ERVFRD-1: variants seen among roughly 807,000 people sequenced by gnomAD.
ERVFRD-1 encodes syncytin-2.
A neutral mutation model predicts 43.8 loss-of-function variants in ERVFRD-1; 33 were observed. The observed-to-expected ratio is 0.75, with a 90% CI of 0.57 to 1.01. The LOEUF (loss-of-function observed/expected upper bound fraction) is 1.01, where lower values mean the gene tolerates loss of function less well. Among genes scored for constraint, ERVFRD-1 ranks in the 50% least tolerant of loss-of-function variants. The pLI is 0.00. For synonymous variants in ERVFRD-1, 239 were observed against 244.4 expected (o/e 0.98, Z 0.21); for missense variants, 568 against 658.4 (o/e 0.86, Z 1.50).
In ERVFRD-1 at chr6:11,103,808, T is replaced by C. The variant is rs992549844; in HGVS notation, c.1503A>G (p.Pro501=). ...VSLLLLLLFG[P]CLLNLITQFV... ...ATTGGGTTATTAGATTTAGGAGACA[T>C]GGACCAAAAAGGAGCAAAAGTAGGA... The change falls in exon 2 of 2, where the codon CCA becomes CCG. Residue 501 remains proline, a synonymous_variant. Coordinates refer to ENST00000472091, the MANE Select transcript of ERVFRD-1 (RefSeq NM_207582.3). 1 of 1,551,538 alleles carries C rather than the reference T, an allele frequency of 6.4e-7. No homozygotes were observed. The highest frequency in any genetic ancestry group is 8.7e-7 in the Non-Finnish European group (1 of 1,146,986).
intron 1 of ERVFRD-1, among the ~76,000 whole-genome samples, chr6:11,107,743 C>T (rs533760305): frequency 9.0e-4 from 137 of 152,280 alleles, no homozygotes; most frequent in Non-Finnish European, 1.5e-3. Flanking sequence ...TTCTCAGGTC[C>T]TGGACTAGCC....
chr6:11,104,499 GC>G lies in ERVFRD-1; in HGVS notation c.811del (p.Ala271GlnfsTer49). 1.3e-6 allele frequency: 2 copies of G among 1,557,058 alleles called. No homozygotes were observed. Among genetic ancestry groups the G allele is most frequent in the Non-Finnish European group, 1.7e-6 (2 of 1,149,758 alleles). On this transcript the variant is annotated frameshift_variant, in exon 2 of 2. Transcript: ENST00000472091. LOFTEE classifies it high-confidence loss of function. The part of the protein sequence containing the change: ...TIATSYLGIS[A>X]VSEFFGTSLT... ...GGAGGTTCCAAAAAATTCTGAGACT[GC>G]TGATATGCCCAGGTAGCTGGTGGCT...
chr6:11,109,719 C>G (rs577949579), intron 1 of ERVFRD-1, among the ~76,000 whole-genome samples: 5 of 152,128 alleles, frequency 3.3e-5, no homozygotes, highest in Non-Finnish European at 7.3e-5. Context: ...TTATTCAACC[C>G]AGGCTGTATT....
intron 1 of ERVFRD-1, among the ~76,000 whole-genome samples, chr6:11,106,545 G>A (rs1335551405): frequency 6.6e-6 from 1 of 152,174 alleles, no homozygotes; most frequent in Non-Finnish European, 1.5e-5. Flanking sequence ...TCCATTGGTA[G>A]GCTTTAGGTA....
chr6:11,105,350 T>C lies in ERVFRD-1; in HGVS notation c.-40A>G, dbSNP rs541442050. The C allele has an allele frequency of 1.4e-6, 2 of 1,475,358 alleles. No individual in the cohort carries two copies. The highest frequency in any genetic ancestry group is 2.8e-5 in the African/African-American group (2 of 71,802). 91.4% of individuals were successfully genotyped at this position (1,475,358 alleles called of 1,614,324 possible). A position where few individuals can be genotyped will look rare whatever the true frequency, so the allele number is the denominator to read the frequency against. On this transcript the variant is annotated 5_prime_UTR_variant, in exon 2 of 2. Coordinates refer to ENST00000472091, the MANE Select transcript of ERVFRD-1 (RefSeq NM_207582.3). ...AACTGGTCACAAAACGAGCTGCCAATGGAACTCCTGGTGGTGTACAAGTTA... is the reference window on the plus strand; with the variant it reads ...AACTGGTCACAAAACGAGCTGCCAACGGAACTCCTGGTGGTGTACAAGTTA...
At chr6:11,110,610 C>G (rs1157766111) in intron 1 of ERVFRD-1, among the ~76,000 whole-genome samples, 1 of 152,116 alleles carries the variant, frequency 6.6e-6, no homozygotes, top group African/African-American at 2.4e-5. Flanking sequence ...GATTCTTCAT[C>G]CTCCCAGGGT....
rs552148314 is a variant in ERVFRD-1 at position 11,103,516 on chromosome 6, C to T, written c.*178G>A. The T allele has an allele frequency of 6.6e-6, 6 of 911,632 alleles. No homozygotes were observed. In the South Asian group the frequency reaches 1.0e-4, roughly 15 times the overall value. 56.5% of individuals were successfully genotyped at this position (911,632 alleles called of 1,614,324 possible). On this transcript the variant is annotated 3_prime_UTR_variant, in exon 2 of 2. Transcript: ENST00000472091. ...ATGGACGAAGGTCAGTCTTCTTTAA[C>T]TGCTTCCTGCTGACAGAGGGGCTGT...
At chr6:11,108,617 G>T (rs1226872314) in intron 1 of ERVFRD-1, among the ~76,000 whole-genome samples, 1 of 152,172 alleles carries the variant, frequency 6.6e-6, no homozygotes, top group Non-Finnish European at 1.5e-5. Context: ...TGGCTGGCAG[G>T]TTTGCAGGGC....
At position 11,102,567 on chromosome 6, in the gene ERVFRD-1, CTACAGAGG is replaced by C. The variant is rs1051981884; in HGVS notation, c.*1119_*1126del. 2 of 152,186 alleles carry C rather than the reference CTACAGAGG, an allele frequency of 1.3e-5. No individual in the cohort carries two copies. The highest frequency in any genetic ancestry group is 4.8e-5 in the African/African-American group (2 of 41,442). 9.4% of individuals were successfully genotyped at this position (152,186 alleles called of 1,614,324 possible). A position where few individuals can be genotyped will look rare whatever the true frequency, so the allele number is the denominator to read the frequency against. On this transcript the variant is annotated 3_prime_UTR_variant, in exon 2 of 2. Transcript: ENST00000472091. Reference sequence around the variant, plus strand: ...CAAACTGCAAGCAACTGGGTCTCTACTACAGAGGTACAAGGGGGAAAATTTTATAAGGT... The same window carrying C: ...CAAACTGCAAGCAACTGGGTCTCTACTACAAGGGGGAAAATTTTATAAGGT...
In ERVFRD-1 at chr6:11,104,075, T is replaced by G; in HGVS notation, c.1236A>C (p.Val412=). 1.3e-6 allele frequency: 2 copies of G among 1,551,760 alleles called. No homozygotes were observed. Among genetic ancestry groups the G allele is most frequent in the Non-Finnish European group, 1.7e-6 (2 of 1,147,006 alleles). The change falls in exon 2 of 2, where the codon GTA becomes GTC. Residue 412 remains valine, a synonymous_variant. Coordinates refer to ENST00000472091, the MANE Select transcript of ERVFRD-1 (RefSeq NM_207582.3). ...CTAGTCCTCGACGATTTTGAAGGAC[T>G]ACGGCTGCTAAAGAGTCGATTTGTT... ...MQEQIDSLAA[V]VLQNRRGLDM...
In ERVFRD-1 at chr6:11,105,016, C is replaced by G. The variant is rs758368739; in HGVS notation, c.295G>C (p.Asp99His). Reference sequence around the variant, plus strand: ...GGTTTCTGGCGGATATCAGGGAAATCTTGCTTTACTGTTGAAAGAAGACTA... The same window carrying G: ...GGTTTCTGGCGGATATCAGGGAAATGTTGCTTTACTGTTGAAAGAAGACTA... ...ANSLLSTVKQ[D>H]FPDIRQKPPI... Residue 99 changes from aspartate (D) to histidine (H), a missense_variant, in exon 2 of 2, where the codon GAT (aspartate) becomes CAT (histidine). Physicochemically the swap from Asp to His is moderately conservative, Grantham distance 81 (BLOSUM62 -1). Transcript: ENST00000472091. 1.7e-5 allele frequency: 27 copies of G among 1,614,052 alleles called. No homozygotes were observed. The highest frequency in any genetic ancestry group is 2.2e-5 in the Non-Finnish European group (26 of 1,180,056).
intron 1 of ERVFRD-1, among the ~76,000 whole-genome samples, chr6:11,105,937 G>T (rs1478905954): frequency 6.6e-6 from 1 of 152,160 alleles, no homozygotes; most frequent in Non-Finnish European, 1.5e-5. Flanking sequence ...AGCCTTAGGG[G>T]CAGCAAATCA....
In ERVFRD-1 at chr6:11,103,470, A is replaced by G. The variant is rs901955544; in HGVS notation, c.*224T>C. 5 of 618,030 alleles carry G rather than the reference A, an allele frequency of 8.1e-6. No homozygotes were observed. The highest frequency in any genetic ancestry group is 7.3e-5 in the African/African-American group (4 of 54,938). 38.3% of individuals were successfully genotyped at this position (618,030 alleles called of 1,614,324 possible). A position where few individuals can be genotyped will look rare whatever the true frequency, so the allele number is the denominator to read the frequency against. ...CAACATTTCCCCCCCTCAAGAGTCCAAGACCCAATTATCTGGGAAAATGGA... is the reference window on the plus strand; with the variant it reads ...CAACATTTCCCCCCCTCAAGAGTCCGAGACCCAATTATCTGGGAAAATGGA... On this transcript the variant is annotated 3_prime_UTR_variant, in exon 2 of 2. Coordinates refer to ENST00000472091, the MANE Select transcript of ERVFRD-1 (RefSeq NM_207582.3).
rs773979029 is a variant in ERVFRD-1, at chr6:11,104,672, G to T, written c.639C>A (p.Asn213Lys). The change falls in exon 2 of 2, where the codon AAC becomes AAA. Residue 213 changes from asparagine to lysine, a missense_variant. Coordinates refer to ENST00000472091, the MANE Select transcript of ERVFRD-1 (RefSeq NM_207582.3). ...RNFWFRPADY[N>K]QCLQISNLSS... The stretch of plus-strand genomic sequence containing the variant: ...TGAGGTTGGAAATTTGCAGACATTG[G>T]TTATAATCAGCAGGCCGGAACCAGA... 1.9e-6 allele frequency: 3 copies of T among 1,614,218 alleles called. No homozygotes were observed. Among genetic ancestry groups the T allele is most frequent in the South Asian group, 1.1e-5 (1 of 91,082 alleles).
At position 11,103,419 on chromosome 6, in the gene ERVFRD-1, G is replaced by T; in HGVS notation, c.*275C>A. The T allele has an allele frequency of 2.4e-6, 1 of 418,128 alleles. No individual in the cohort carries two copies. 25.9% of individuals were successfully genotyped at this position (418,128 alleles called of 1,614,324 possible). On this transcript the variant is annotated 3_prime_UTR_variant, in exon 2 of 2. Transcript: ENST00000472091. The stretch of plus-strand genomic sequence containing the variant: ...TGGTGAGGGGGCCCTCCCCTGCCCT[G>T]CTCATGTCTGACTAGCTACCTGCTC...
At chr6:11,108,934 T>G (rs1443298640) in intron 1 of ERVFRD-1, among the ~76,000 whole-genome samples, 1 of 152,224 alleles carries the variant, frequency 6.6e-6, no homozygotes, top group African/African-American at 2.4e-5. Context: ...CCTTGATCTG[T>G]CAAGCCCAAT....
chr6:11,103,923 C>T lies in ERVFRD-1; in HGVS notation c.1388G>A (p.Arg463Gln), dbSNP rs771143329. The T allele has an allele frequency of 4.1e-5, 64 of 1,551,648 alleles. No homozygotes were observed. Among genetic ancestry groups the T allele is most frequent in the Middle Eastern group, 3.3e-4 (2 of 5,992 alleles). ...TAACCAACCCTGAGTGGCTCGTTCC[C>T]GTAAACTGGAGGCTTGATTTAGGAG... ...RQLLNQASSL[R>Q]ERATQGWLNW... is the part of the protein sequence containing the mutation. The change falls in exon 2 of 2, where the codon CGG becomes CAG. Residue 463 changes from arginine to glutamine, a missense_variant. Arg to Gln is a conservative substitution (Grantham distance 43, BLOSUM62 1). Coordinates refer to ENST00000472091, the MANE Select transcript of ERVFRD-1 (RefSeq NM_207582.3).
At chr6:11,109,436 C>T (rs7762961) in intron 1 of ERVFRD-1, among the ~76,000 whole-genome samples, 28,795 of 151,932 alleles carry the variant, frequency 0.19, 3,097 homozygotes, top group African/African-American at 0.29. Context: ...TGGGAGACTT[C>T]GATATAATTG....
chr6:11,103,708 C>T lies in ERVFRD-1; in HGVS notation c.1603G>A (p.Glu535Lys), dbSNP rs1350304713. 9 of 1,551,010 alleles carry T rather than the reference C, an allele frequency of 5.8e-6. No individual in the cohort carries two copies. Among genetic ancestry groups the T allele is most frequent in the Non-Finnish European group, 7.8e-6 (9 of 1,146,624 alleles). Reference sequence around the variant, plus strand: ...AGGGGTCCTCCTTAGAAGGGTGACTCTTGAATATTGCGAGGATGGCGTCCT... The same window carrying T: ...AGGGGTCCTCCTTAGAAGGGTGACTTTTGAATATTGCGAGGATGGCGTCCT... ...SAGRHPRNIQ[E>K]SPF is the part of the protein sequence containing the mutation. The change falls in exon 2 of 2, where the codon GAG becomes AAG. Residue 535 changes from glutamate (E) to lysine (K), a missense_variant. By Grantham distance (56) the Glu-to-Lys change is moderately conservative (BLOSUM62 1). Transcript: ENST00000472091.
Sources: gnomAD v4.1 joint callset for allele counts (sites outside exome capture counted in the v4.1 genomes callset) on GRCh38, gnomAD v4.1.1 for gene constraint, MANE v1.5 for transcripts, NCBI Gene and HGNC (gene_info 2026-07-23, HGNC 2026-07-21) for gene names.